DUSP5: variants seen among roughly 807,000 people sequenced by gnomAD.
DUSP5 encodes the protein dual specificity phosphatase 5.
DUSP5 carries 22 observed loss-of-function variants against 33.6 expected under a neutral mutation model. The ratio of observed to expected loss-of-function variants is 0.66; its 90% CI spans 0.47 to 0.94. DUSP5 has a LOEUF of 0.94. Ranked by LOEUF, DUSP5 falls within the 40% of genes least tolerant of loss-of-function variation. The pLI, the probability that DUSP5 is intolerant of heterozygous loss-of-function variation, is 0.00. For missense variants in DUSP5, 551 were observed against 522.1 expected, an observed-to-expected ratio of 1.06 and a Z score of -0.54; for synonymous variants, 270 against 231.1, an observed-to-expected ratio of 1.17 and a Z score of -1.53.
intron 2 of DUSP5, 84 bp from the exon 3 acceptor site, chr10:110,506,851 C>A: frequency 7.0e-7 from 1 of 1,431,798 alleles, no homozygotes; most frequent in Non-Finnish European, 9.7e-7. Context: ...TCTTAAGAAA[C>A]AAATAGGTCG....
chr10:110,502,270 G>A (rs57206130), intron 1 of DUSP5, among the ~76,000 whole-genome samples: 2,420 of 152,298 alleles, frequency 0.016, 36 homozygotes, highest in Admixed American at 0.047. Context: ...AATGGAGGAG[G>A]TTCCAGCTAG....
Position 110,510,659 on chromosome 10 carries a change from G to C in DUSP5, c.*233G>C. 1.9e-6 allele frequency: 1 copy of C among 535,444 alleles called. No homozygotes were observed. The highest frequency in any genetic ancestry group is 1.9e-5 in the African/African-American group (1 of 52,822). The allele number at this position is 535,444 out of a possible 1,614,324, so 33.2% of individuals were successfully genotyped here. ...GGGAGCACAGCATGTGCTGACTACT[G>C]TACTTCCAGACCCCTGCCCTCTTGG... On this transcript the variant is annotated 3_prime_UTR_variant, in exon 4 of 4. Coordinates refer to ENST00000369583, the MANE Select transcript of DUSP5 (RefSeq NM_004419.4).
rs148448051 is a variant in DUSP5, at chr10:110,510,721, C to G, written c.*295C>G. The G allele has an allele frequency of 1.3e-5, 4 of 318,334 alleles. No homozygotes were observed. The highest frequency in any genetic ancestry group is 8.3e-4 in the Middle Eastern group (1 of 1,206). 19.7% of individuals were successfully genotyped at this position (318,334 alleles called of 1,614,324 possible). A position where few individuals can be genotyped will look rare whatever the true frequency, so the allele number is the denominator to read the frequency against. ...CCTTGCACCTCAGAGTTCGCCTTTTCATTTCAAGCATAAGGCAATAAATAC... is the reference window on the plus strand; with the variant it reads ...CCTTGCACCTCAGAGTTCGCCTTTTGATTTCAAGCATAAGGCAATAAATAC... On this transcript the variant is annotated 3_prime_UTR_variant, in exon 4 of 4. Coordinates refer to ENST00000369583, the MANE Select transcript of DUSP5 (RefSeq NM_004419.4).
At chr10:110,509,887 A>G in intron 3 of DUSP5, 133 bp from the exon 4 acceptor site, 1 of 1,194,702 alleles carries the variant, frequency 8.4e-7, no homozygotes, top group Admixed American at 2.4e-5. Flanking sequence ...GCAGAAGTGT[A>G]GTGTAGGGCC....
At chr10:110,498,720 C>T (rs2134654836) in intron 1 of DUSP5, among the ~76,000 whole-genome samples, 1 of 152,364 alleles carries the variant, frequency 6.6e-6, no homozygotes, top group African/African-American at 2.4e-5. Flanking sequence ...GGCAGCGGGT[C>T]TGCCCGGTGG....
At chr10:110,508,122 T>C (rs1036205256) in intron 3 of DUSP5, among the ~76,000 whole-genome samples, 2 of 152,176 alleles carry the variant, frequency 1.3e-5, no homozygotes, top group African/African-American at 4.8e-5. Context: ...TTGAGCCACA[T>C]AGTGGCCCTC....
In DUSP5 at chr10:110,503,985, C is replaced by G. The variant is rs1022652420; in HGVS notation, c.528+1116C>G. On this transcript the variant is annotated intron_variant, in intron 2 of 3. Coordinates refer to ENST00000369583, the MANE Select transcript of DUSP5 (RefSeq NM_004419.4). ...CAGATGACCTTTTCTTGAACGGGCT[C>G]CTTGGTCAGGAATCCTATTAGCTTG... Among the ~76,000 whole-genome samples the G allele has an allele frequency of 1.8e-4, 28 of 152,308 alleles. No individual in the cohort carries two copies. The East Asian group carries it at 4.8e-3, about 26-fold the overall frequency.
At chr10:110,501,525 C>T (rs1483338217) in intron 1 of DUSP5, among the ~76,000 whole-genome samples, 1 of 152,106 alleles carries the variant, frequency 6.6e-6, no homozygotes, top group African/African-American at 2.4e-5. Flanking sequence ...AACCATTTGT[C>T]TACTGCAGGG....
intron 1 of DUSP5, among the ~76,000 whole-genome samples, chr10:110,499,685 AAC>A (rs1178859536): frequency 2.6e-5 from 4 of 152,230 alleles, no homozygotes; most frequent in Non-Finnish European, 5.9e-5. Context: ...TTGGAGAGTT[AAC>A]AGAGGTAGAT....
At chr10:110,500,160 A>G (rs1860025340) in intron 1 of DUSP5, among the ~76,000 whole-genome samples, 1 of 152,180 alleles carries the variant, frequency 6.6e-6, no homozygotes, top group Admixed American at 6.5e-5. Flanking sequence ...GTATCTTAGA[A>G]ATAGATTGAT....
intron 3 of DUSP5, among the ~76,000 whole-genome samples, chr10:110,508,302 C>G (rs931233476): frequency 6.6e-6 from 1 of 152,166 alleles, no homozygotes; most frequent in African/African-American, 2.4e-5. Context: ...TTGACTTGTT[C>G]TCCCTGTCCC....
At chr10:110,508,914 T>G (rs1477917567) in intron 3 of DUSP5, among the ~76,000 whole-genome samples, 1 of 152,220 alleles carries the variant, frequency 6.6e-6, no homozygotes, top group African/African-American at 2.4e-5. Flanking sequence ...CTCAGAAATT[T>G]TATCTTTTAG....
chr10:110,505,069 G>A (rs112468501), intron 2 of DUSP5, among the ~76,000 whole-genome samples: 4 of 152,330 alleles, frequency 2.6e-5, no homozygotes, highest in South Asian at 2.1e-4. Context: ...GGGAGGTTTC[G>A]AGGAGGTGAT....
In DUSP5 at chr10:110,508,197, C is replaced by T. The variant is rs111843558; in HGVS notation, c.748+1043C>T. On this transcript the variant is annotated intron_variant, in intron 3 of 3. Transcript: ENST00000369583. ...GAGAAACTCATCAGAGGCAAAAGGC[C>T]GAGCCTGTCCTGCTTGTCCCCTGAG... 3.7e-3 allele frequency among the ~76,000 whole-genome samples: 568 copies of T among 152,230 alleles called. 4 individuals are homozygous for T. The highest frequency in any genetic ancestry group is 6.1e-3 in the Non-Finnish European group (412 of 68,022).
chr10:110,509,680 T>A (rs1467704715), intron 3 of DUSP5, among the ~76,000 whole-genome samples: 1 of 152,230 alleles, frequency 6.6e-6, no homozygotes, highest in Admixed American at 6.5e-5. Flanking sequence ...TAGGTTAAGA[T>A]GGCATCCCCA....
At chr10:110,508,504 G>T (rs556874811) in intron 3 of DUSP5, among the ~76,000 whole-genome samples, 4 of 152,262 alleles carry the variant, frequency 2.6e-5, no homozygotes, top group African/African-American at 9.6e-5. Context: ...CCGATTGCTT[G>T]CCCTGCTAAT....
At position 110,501,965 on chromosome 10, in the gene DUSP5, T is replaced by TGG. The variant is rs113343885; in HGVS notation, c.380-747_380-746dup. 6.6e-3 allele frequency among the ~76,000 whole-genome samples: 880 copies of TGG among 133,466 alleles called. 6 individuals are homozygous for TGG. The highest frequency in any genetic ancestry group is 0.016 in the East Asian group (68 of 4,226). 87.6% of individuals were successfully genotyped at this position (133,466 alleles called of 152,430 possible). ...ACATGCCGTAAGTTGACTTATTGAT[T>TGG]GGGGGGGGGGTGCAGGAGGAGTAGG... is the stretch of plus-strand genomic sequence containing the variant. On this transcript the variant is annotated intron_variant, in intron 1 of 3. Transcript: ENST00000369583.
At chr10:110,503,703 C>T (rs1860085044) in intron 2 of DUSP5, among the ~76,000 whole-genome samples, 1 of 152,164 alleles carries the variant, frequency 6.6e-6, no homozygotes, top group South Asian at 2.1e-4. Flanking sequence ...TTTGCAGAGT[C>T]CTACAGCTGG....
chr10:110,509,902 C>T, intron 3 of DUSP5, 118 bp from the exon 4 acceptor site: 11 of 1,372,604 alleles, frequency 8.0e-6, no homozygotes, highest in Non-Finnish European at 1.1e-5. Context: ...AGGGCCGTGG[C>T]TCTTAGGCAG....
Sources: gnomAD v4.1 joint callset for allele counts (sites outside exome capture counted in the v4.1 genomes callset) on GRCh38, gnomAD v4.1.1 for gene constraint, MANE v1.5 for transcripts, NCBI Gene and HGNC (gene_info 2026-07-23, HGNC 2026-07-21) for gene names.